GPC5: variants seen among roughly 807,000 people sequenced by gnomAD.
The protein encoded by GPC5 is glypican-5.
Under a neutral mutation model 53.9 loss-of-function variants are expected in GPC5, and 47 were observed. That is an observed-to-expected ratio of 0.87 (90% CI 0.69 to 1.11). The LOEUF is 1.11. Among genes scored for constraint, GPC5 ranks in the 50% most tolerant of loss-of-function variants. The pLI, the probability that GPC5 is intolerant of heterozygous loss-of-function variation, is 0.00. For synonymous variants in GPC5, 286 were observed against 263.3 expected (o/e 1.09, Z -0.84); for missense variants, 748 against 713.1 (o/e 1.05, Z -0.56).
At chr13:92,162,279 T>C (rs757011038) in intron 7 of GPC5, among the ~76,000 whole-genome samples, 2 of 152,156 alleles carry the variant, frequency 1.3e-5, no homozygotes, top group Non-Finnish European at 2.9e-5. Flanking sequence ...TCCACATTCA[T>C]ACATCCATTT....
chr13:92,112,193 A>G (rs974335266), intron 6 of GPC5, among the ~76,000 whole-genome samples: 1 of 152,172 alleles, frequency 6.6e-6, no homozygotes, highest in East Asian at 1.9e-4. Flanking sequence ...GAGTTAGAGA[A>G]TTTAGAAATG....
At chr13:92,386,862 A>T (rs1166523920) in intron 7 of GPC5, among the ~76,000 whole-genome samples, 3 of 152,108 alleles carry the variant, frequency 2.0e-5, no homozygotes, top group Non-Finnish European at 4.4e-5. Context: ...CCATCTAATT[A>T]TTTAAAATAG....
intron 2 of GPC5, among the ~76,000 whole-genome samples, chr13:91,453,710 G>T (rs1274349273): frequency 6.6e-6 from 1 of 151,314 alleles, no homozygotes; most frequent in Non-Finnish European, 1.5e-5. Flanking sequence ...TATGAATAAA[G>T]GAATGAATGA....
At chr13:91,915,581 T>C (rs1461054730) in intron 6 of GPC5, among the ~76,000 whole-genome samples, 1 of 152,196 alleles carries the variant, frequency 6.6e-6, no homozygotes, top group Non-Finnish European at 1.5e-5. Flanking sequence ...GAGCTGTTTT[T>C]CTGCCGGGTT....
intron 7 of GPC5, among the ~76,000 whole-genome samples, chr13:92,737,766 C>CTTTTTTTTTTTTTTTTTTTTTTT (rs33914729): frequency 7.1e-4 from 72 of 102,078 alleles, no homozygotes; most frequent in East Asian, 1.6e-3. Flanking sequence ...TTTTCTTTTT[C>CTTTTTTTTTTTTTTTTTTTTTTT]TTTTTTTTTT....
chr13:91,560,946 T>C (rs953842358), intron 2 of GPC5, among the ~76,000 whole-genome samples: 1 of 152,038 alleles, frequency 6.6e-6, no homozygotes. Flanking sequence ...ATACCACACA[T>C]ACCAAAACTC....
At chr13:92,722,227 T>C (rs1006981360) in intron 7 of GPC5, among the ~76,000 whole-genome samples, 13 of 151,978 alleles carry the variant, frequency 8.6e-5, no homozygotes, top group African/African-American at 2.7e-4. Context: ...ATAAAGTGCA[T>C]GTAGTTTGTG....
At chr13:92,670,311 A>G (rs1886704143) in intron 7 of GPC5, among the ~76,000 whole-genome samples, 1 of 152,158 alleles carries the variant, frequency 6.6e-6, no homozygotes. Context: ...TGAGGCATCC[A>G]AAGGCTAGGG....
chr13:92,761,857 A>C (rs1875189383), intron 7 of GPC5, among the ~76,000 whole-genome samples: 1 of 152,140 alleles, frequency 6.6e-6, no homozygotes, highest in Non-Finnish European at 1.5e-5. Flanking sequence ...TCCCCACAGA[A>C]ATCTTGTGAG....
intron 7 of GPC5, among the ~76,000 whole-genome samples, chr13:92,567,093 G>A (rs955671298): frequency 2.6e-5 from 4 of 152,088 alleles, no homozygotes; most frequent in African/African-American, 9.7e-5. Context: ...TGTTTGAAAG[G>A]ATGAGGAAGT....
chr13:92,131,453 AAC>A (rs1323065061), intron 6 of GPC5, among the ~76,000 whole-genome samples: 6 of 152,168 alleles, frequency 3.9e-5, no homozygotes, highest in African/African-American at 1.2e-4. Flanking sequence ...ATCATCTAAT[AAC>A]ACAGTTATAT....
chr13:91,918,355 T>C (rs1247380193), intron 6 of GPC5, among the ~76,000 whole-genome samples: 2 of 152,202 alleles, frequency 1.3e-5, no homozygotes, highest in African/African-American at 4.8e-5. Flanking sequence ...TCATATATTT[T>C]ACTATTTTAT....
intron 2 of GPC5, among the ~76,000 whole-genome samples, chr13:91,516,879 G>A (rs570249135): frequency 9.2e-5 from 14 of 152,284 alleles, no homozygotes; most frequent in Non-Finnish European, 1.6e-4. Flanking sequence ...GGAAGCTGCC[G>A]AGGCTTGGGG....
chr13:92,800,545 G>T lies in GPC5; in HGVS notation c.1562-65737G>T, dbSNP rs552345556. ...GTGTTACTTTCCACTAACGAACCCTGTGAAAATTGGAATTACCAACATTCC... is the reference window on the plus strand; with the variant it reads ...GTGTTACTTTCCACTAACGAACCCTTTGAAAATTGGAATTACCAACATTCC... On this transcript the variant is annotated intron_variant, in intron 7 of 7. Coordinates refer to ENST00000377067, the MANE Select transcript of GPC5 (RefSeq NM_004466.6). Among the ~76,000 whole-genome samples the T allele has an allele frequency of 6.6e-5, 10 of 151,872 alleles. No individual in the cohort carries two copies. The East Asian group carries it at 1.7e-3, about 27-fold the overall frequency.
At chr13:91,804,564 A>T (rs570613403) in intron 5 of GPC5, among the ~76,000 whole-genome samples, 1 of 152,230 alleles carries the variant, frequency 6.6e-6, no homozygotes, top group African/African-American at 2.4e-5. Flanking sequence ...GTTAGCCATC[A>T]AAAGGAGGCT....
chr13:92,501,374 A>G (rs142392734), intron 7 of GPC5, among the ~76,000 whole-genome samples: 231 of 152,310 alleles, frequency 1.5e-3, no homozygotes, highest in Non-Finnish European at 2.7e-3. Flanking sequence ...ACTTGAAAAC[A>G]GATCAATAAG....
chr13:91,972,551 C>G (rs1350044454), intron 6 of GPC5, among the ~76,000 whole-genome samples: 1 of 152,180 alleles, frequency 6.6e-6, no homozygotes, highest in Admixed American at 6.5e-5. Flanking sequence ...GATACAGTTT[C>G]TTCCTAGCCT....
chr13:92,046,405 T>C (rs1486116516), intron 6 of GPC5, among the ~76,000 whole-genome samples: 1 of 152,212 alleles, frequency 6.6e-6, no homozygotes. Context: ...TTCTTCCTCA[T>C]GTTATATTTT....
chr13:92,023,269 T>C (rs1430222941), intron 6 of GPC5, among the ~76,000 whole-genome samples: 1 of 152,078 alleles, frequency 6.6e-6, no homozygotes, highest in African/African-American at 2.4e-5. Context: ...TCATGAACAA[T>C]TGGAAGACGT....
Sources: gnomAD v4.1 joint callset for allele counts (sites outside exome capture counted in the v4.1 genomes callset) on GRCh38, gnomAD v4.1.1 for gene constraint, MANE v1.5 for transcripts, NCBI Gene and HGNC (gene_info 2026-07-23, HGNC 2026-07-21) for gene names.